OPCML: variants seen among roughly 807,000 people sequenced by gnomAD.
OPCML encodes the protein opioid binding protein/cell adhesion molecule like, also known as opioid-binding protein/cell adhesion molecule.
A neutral mutation model predicts 37.8 loss-of-function variants in OPCML; 13 were observed. The observed-to-expected ratio is 0.34, with a 90% CI of 0.22 to 0.55. The LOEUF is 0.55. OPCML is among the 20% of genes least tolerant of loss of function. The pLI is 0.91. For synonymous variants in OPCML, 176 were observed against 168.8 expected, an observed-to-expected ratio of 1.04 and a Z score of -0.33; for missense variants, 341 against 435.6, an observed-to-expected ratio of 0.78 and a Z score of 1.93.
Position 133,177,976 on chromosome 11 carries a change from G to T in OPCML, c.62-234966C>A, listed in dbSNP as rs1463529043. ...GAGAGCTGGCAGGAGGCAATCCCAA[G>T]GTTTAAGGCAGAATTATGATAGTTT... On this transcript the variant is annotated intron_variant, in intron 1 of 7. Transcript: ENST00000524381. The surrounding 1 kb of genome is among the most constrained non-coding windows in gnomAD (Gnocchi z 5.0). 6.6e-6 allele frequency among the ~76,000 whole-genome samples: 1 copy of T among 152,176 alleles called. No homozygotes were observed. The highest frequency in any genetic ancestry group is 6.5e-5 in the Admixed American group (1 of 15,282).
chr11:132,555,281 G>A lies in OPCML; in HGVS notation c.380-26095C>T, dbSNP rs1037438309. On this transcript the variant is annotated intron_variant, in intron 3 of 7. Transcript: ENST00000524381. ...TAATGGACTCAGTTCCACATGGCTG[G>A]GGAGGCCTCACAATCATGGCAGTAG... Among the ~76,000 whole-genome samples, 4 of 152,026 alleles carry A rather than the reference G, an allele frequency of 2.6e-5. No individual in the cohort carries two copies. In the South Asian group the frequency reaches 8.3e-4, roughly 32 times the overall value.
intron 1 of OPCML, among the ~76,000 whole-genome samples, chr11:133,140,666 GA>G (rs146467721): frequency 0.043 from 751 of 17,610 alleles, 8 homozygotes; most frequent in East Asian, 0.14. Flanking sequence ...AAGAAAAGAA[GA>G]AAAGAAGAAA....
intron 1 of OPCML, among the ~76,000 whole-genome samples, chr11:133,334,681 A>T (rs1943702870): frequency 6.6e-6 from 1 of 152,200 alleles, no homozygotes; most frequent in Non-Finnish European, 1.5e-5. Context: ...ACTTTAACCC[A>T]TTGGCCTCTT....
At chr11:133,140,586 A>AG (rs1949764102) in intron 1 of OPCML, among the ~76,000 whole-genome samples, 2 of 140,590 alleles carry the variant, frequency 1.4e-5, no homozygotes, top group African/African-American at 2.6e-5. Flanking sequence ...GAAAGAAGAA[A>AG]AAAGAAAGAA....
chr11:133,181,283 T>G (rs187939783), intron 1 of OPCML, among the ~76,000 whole-genome samples: 64 of 149,344 alleles, frequency 4.3e-4, no homozygotes, highest in South Asian at 8.5e-4. Flanking sequence ...CGGGCGAACC[T>G]GATTAGGACC....
At chr11:133,183,553 C>A (rs1297618312) in intron 1 of OPCML, among the ~76,000 whole-genome samples, 1 of 152,174 alleles carries the variant, frequency 6.6e-6, no homozygotes, top group Non-Finnish European at 1.5e-5. Flanking sequence ...CAAAAAACCT[C>A]TTCCCAAACC....
chr11:132,512,463 C>G (rs1036153430), intron 4 of OPCML, among the ~76,000 whole-genome samples: 1 of 151,816 alleles, frequency 6.6e-6, no homozygotes, highest in South Asian at 2.1e-4. Flanking sequence ...AAATGTCCAC[C>G]CAACTGGCAA....
At chr11:132,593,847 A>C (rs1306737980) in intron 3 of OPCML, among the ~76,000 whole-genome samples, 1 of 152,216 alleles carries the variant, frequency 6.6e-6, no homozygotes, top group East Asian at 1.9e-4. Context: ...TAGGAGAAAG[A>C]ATTATTTAAT....
At chr11:133,099,240 T>G (rs1004679825) in intron 1 of OPCML, among the ~76,000 whole-genome samples, 4 of 151,814 alleles carry the variant, frequency 2.6e-5, no homozygotes, top group South Asian at 4.2e-4. Context: ...TCCGAAACTT[T>G]GCCAACATCT....
chr11:133,180,861 G>A (rs1387749888), intron 1 of OPCML, among the ~76,000 whole-genome samples: 2 of 151,572 alleles, frequency 1.3e-5, no homozygotes, highest in Non-Finnish European at 2.9e-5. Context: ...AAAAAGTGGG[G>A]ATGAGGGAAA....
In OPCML at chr11:132,943,204, C is replaced by T; in HGVS notation, c.62-194G>A. On this transcript the variant is annotated intron_variant, in intron 1 of 7. Transcript: ENST00000524381. The surrounding 1 kb of genome is among the most constrained non-coding windows in gnomAD (Gnocchi z 4.3). ...CGGGGAGGAGGGAAGGGGCAGAGTTCGCCAGGAGCAGGGGGAAGGAGAAGA... is the reference window on the plus strand; with the variant it reads ...CGGGGAGGAGGGAAGGGGCAGAGTTTGCCAGGAGCAGGGGGAAGGAGAAGA... 1.3e-6 allele frequency: 2 copies of T among 1,521,084 alleles called. No individual in the cohort carries two copies. The highest frequency in any genetic ancestry group is 1.8e-6 in the Non-Finnish European group (2 of 1,117,230). 94.2% of individuals were successfully genotyped at this position (1,521,084 alleles called of 1,614,324 possible).
At chr11:133,080,362 G>A (rs1948692395) in intron 1 of OPCML, among the ~76,000 whole-genome samples, 1 of 152,128 alleles carries the variant, frequency 6.6e-6, no homozygotes, top group Non-Finnish European at 1.5e-5. Context: ...CGGCCGGTGT[G>A]TGGCCCACAC....
chr11:133,118,631 G>C (rs1489842623), intron 1 of OPCML, among the ~76,000 whole-genome samples: 1 of 151,918 alleles, frequency 6.6e-6, no homozygotes, highest in Non-Finnish European at 1.5e-5. Flanking sequence ...TTCTCACATG[G>C]AGTGGATTTT....
At chr11:132,696,632 CT>C in intron 2 of OPCML, among the ~76,000 whole-genome samples, 1 of 152,174 alleles carries the variant, frequency 6.6e-6, no homozygotes, top group African/African-American at 2.4e-5. Context: ...CAGAGGAAAT[CT>C]CTCAGAACTG....
At chr11:132,591,226 G>A (rs2096483963) in intron 3 of OPCML, among the ~76,000 whole-genome samples, 2 of 152,162 alleles carry the variant, frequency 1.3e-5, no homozygotes, top group Non-Finnish European at 2.9e-5. Flanking sequence ...GCCACAGACA[G>A]AGACGGGTGT....
chr11:133,169,035 C>T (rs984549350), intron 1 of OPCML, among the ~76,000 whole-genome samples: 2 of 152,092 alleles, frequency 1.3e-5, no homozygotes, highest in African/African-American at 4.8e-5. Flanking sequence ...GAGGTTGAGG[C>T]AGGATAATCG....
intron 1 of OPCML, among the ~76,000 whole-genome samples, chr11:133,265,481 A>G (rs1435587256): frequency 6.6e-6 from 1 of 152,238 alleles, no homozygotes; most frequent in Non-Finnish European, 1.5e-5. Flanking sequence ...AGAATGCAAC[A>G]TCAGGAGAGA....
intron 1 of OPCML, among the ~76,000 whole-genome samples, chr11:132,962,858 T>A (rs1462450686): frequency 6.6e-6 from 1 of 152,216 alleles, no homozygotes; most frequent in African/African-American, 2.4e-5. Context: ...CCAACTTAGC[T>A]TTTTGCTTCA....
chr11:133,048,621 A>G (rs1186327753), intron 1 of OPCML, among the ~76,000 whole-genome samples: 1 of 152,198 alleles, frequency 6.6e-6, no homozygotes, highest in Non-Finnish European at 1.5e-5. Flanking sequence ...CTTAGAAACA[A>G]AACAATAAAA....
Sources: allele counts gnomAD v4.1 joint callset (sites outside exome capture counted in the v4.1 genomes callset), GRCh38; gene constraint gnomAD v4.1.1; non-coding constraint Gnocchi (gnomAD v3.1); transcripts MANE v1.5; gene names NCBI Gene and HGNC (gene_info 2026-07-23, HGNC 2026-07-21).